Variants in OXSR1 observed in about 807,000 individuals in gnomAD.
The protein encoded by OXSR1 is oxidative stress responsive kinase 1.
Under a neutral mutation model 79.8 loss-of-function variants are expected in OXSR1, and 24 were observed. The ratio of observed to expected loss-of-function variants is 0.30; its 90% confidence interval spans 0.22 to 0.42. OXSR1 has a LOEUF of 0.42. OXSR1 is among the 10% of genes least tolerant of loss of function. The pLI is 1.00. For missense variants in OXSR1, 430 were observed against 618.4 expected, an observed-to-expected ratio of 0.70 and a Z score of 3.23; for synonymous variants, 226 against 209.2, an observed-to-expected ratio of 1.08 and a Z score of -0.69.
At chr3:38,177,554 T>C (rs1701696985) in intron 1 of OXSR1, among the ~76,000 whole-genome samples, 1 of 152,174 alleles carries the variant, frequency 6.6e-6, no homozygotes, top group South Asian at 2.1e-4. Flanking sequence ...TCTTTTCTTT[T>C]CTTTTTGATT....
chr3:38,197,494 A>C (rs1702090724), intron 3 of OXSR1, among the ~76,000 whole-genome samples: 1 of 152,132 alleles, frequency 6.6e-6, no homozygotes, highest in South Asian at 2.1e-4. Context: ...CGTTGTCCTA[A>C]ATGGCATAGC....
Position 38,223,891 on chromosome 3 carries a change from A to G in OXSR1, c.680A>G (p.Tyr227Cys), listed in dbSNP as rs1180184058. The G allele has an allele frequency of 6.2e-7, 1 of 1,600,532 alleles. No homozygotes were observed. The highest frequency in any genetic ancestry group is 8.5e-7 in the Non-Finnish European group (1 of 1,170,838). Residue 227 changes from tyrosine (Y) to cysteine (C), a missense_variant, in exon 7 of 18, where the codon TAT becomes TGT. By Grantham distance (194) the Tyr-to-Cys change is radical. Around this residue, in one of 3 missense-constraint regions of OXSR1, gnomAD observed 276 missense variants for 354.2 expected, o/e 0.78. Transcript: ENST00000311806. ...GAATTGGCTACAGGGGCGGCTCCTT[A>G]TCATAAATATCCACCAATGAAGGTG... Reference protein sequence around the residue: ...AIELATGAAPYHKYPPMKVLM... With the variant: ...AIELATGAAPCHKYPPMKVLM...
chr3:38,221,417 G>T (rs1289818977), intron 5 of OXSR1, among the ~76,000 whole-genome samples, 161 bp from the exon 6 acceptor site: 1 of 152,154 alleles, frequency 6.6e-6, no homozygotes, highest in Non-Finnish European at 1.5e-5. Context: ...ACTGTTCCTA[G>T]TCTAAGCTAT....
chr3:38,217,615 C>T (rs1702508712), intron 5 of OXSR1, among the ~76,000 whole-genome samples: 1 of 152,080 alleles, frequency 6.6e-6, no homozygotes, highest in Non-Finnish European at 1.5e-5. Flanking sequence ...GCAACCTGTG[C>T]CTTCCAGGTT....
intron 2 of OXSR1, among the ~76,000 whole-genome samples, chr3:38,187,473 A>G (rs1441698205): frequency 2.0e-5 from 3 of 152,214 alleles, no homozygotes; most frequent in African/African-American, 4.8e-5. Flanking sequence ...TTTATCCTAT[A>G]TGAATGAATG....
At chr3:38,223,681 C>T in intron 6 of OXSR1, 131 bp from the exon 7 acceptor site, 1 of 526,002 alleles carries the variant, frequency 1.9e-6, no homozygotes. Flanking sequence ...AACTCCCAAC[C>T]TCAGGTGATT....
intron 15 of OXSR1, 27 bp from the exon 16 acceptor site, chr3:38,251,376 A>G: frequency 6.2e-7 from 1 of 1,601,356 alleles, no homozygotes; most frequent in South Asian, 1.1e-5. Flanking sequence ...CACAAAAAAC[A>G]GAGCACTGTC....
At position 38,236,834 on chromosome 3, in the gene OXSR1, A is replaced by G. The variant is rs201161275; in HGVS notation, c.952-5A>G. 74 of 1,596,464 alleles carry G rather than the reference A, an allele frequency of 4.6e-5. No homozygotes were observed. The highest frequency in any genetic ancestry group is 5.6e-5 in the Non-Finnish European group (66 of 1,170,856). On this transcript the variant is annotated splice_polypyrimidine_tract_variant and splice_region_variant and intron_variant, in intron 10 of 17. Transcript: ENST00000311806. Reference sequence around the variant, plus strand: ...CCATAACCCACTTCTCTTTCTAATGAGCAGGTTCGGAGAGTACCAGGTTCC... The same window carrying G: ...CCATAACCCACTTCTCTTTCTAATGGGCAGGTTCGGAGAGTACCAGGTTCC...
At chr3:38,174,327 A>C (rs1701639033) in intron 1 of OXSR1, among the ~76,000 whole-genome samples, 1 of 152,126 alleles carries the variant, frequency 6.6e-6, no homozygotes, top group African/African-American at 2.4e-5. Flanking sequence ...CTCACCTGTA[A>C]TCCCAGCACT....
chr3:38,211,084 A>T (rs1702376943), intron 4 of OXSR1, among the ~76,000 whole-genome samples: 1 of 152,144 alleles, frequency 6.6e-6, no homozygotes, highest in Admixed American at 6.5e-5. Context: ...AGTCCCTTTG[A>T]CAGTTGAGGA....
At chr3:38,179,286 T>C (rs1156586683) in intron 1 of OXSR1, among the ~76,000 whole-genome samples, 2 of 152,120 alleles carry the variant, frequency 1.3e-5, no homozygotes, top group East Asian at 1.9e-4. Flanking sequence ...CACCTTGGCC[T>C]CCCGAAGTGC....
chr3:38,195,596 G>A (rs964676445), intron 3 of OXSR1, among the ~76,000 whole-genome samples: 1 of 152,152 alleles, frequency 6.6e-6, no homozygotes, highest in African/African-American at 2.4e-5. Flanking sequence ...TAACTAAGTT[G>A]AATGAATTGA....
intron 10 of OXSR1, among the ~76,000 whole-genome samples, chr3:38,235,200 C>A (rs1702895022): frequency 6.6e-6 from 1 of 152,120 alleles, no homozygotes; most frequent in Non-Finnish European, 1.5e-5. Flanking sequence ...TACTAAAAAT[C>A]ATTGAACTGT....
intron 13 of OXSR1, 88 bp downstream of exon 13, chr3:38,246,309 G>C: frequency 8.0e-7 from 1 of 1,248,500 alleles, no homozygotes; most frequent in Non-Finnish European, 1.1e-6. Context: ...AATGTAATCA[G>C]GTTAATGTCT....
intron 4 of OXSR1, among the ~76,000 whole-genome samples, chr3:38,214,145 T>C (rs575585202): frequency 6.6e-6 from 1 of 151,738 alleles, no homozygotes; most frequent in African/African-American, 2.4e-5. Flanking sequence ...GTGGTTGGCA[T>C]TTTTTCTTTT....
At chr3:38,208,064 T>C (rs1372909785) in intron 4 of OXSR1, among the ~76,000 whole-genome samples, 1 of 151,750 alleles carries the variant, frequency 6.6e-6, no homozygotes, top group Non-Finnish European at 1.5e-5. Flanking sequence ...GGTAATTAAT[T>C]GAATTATGTT....
chr3:38,224,510 C>G, intron 7 of OXSR1, 61 bp from the exon 8 acceptor site: 1 of 1,374,398 alleles, frequency 7.3e-7, no homozygotes, highest in Non-Finnish European at 1.0e-6. Flanking sequence ...AAAATCTTGA[C>G]CACAATAGTT....
chr3:38,207,353 C>T (rs573076309), intron 4 of OXSR1, among the ~76,000 whole-genome samples: 38 of 152,322 alleles, frequency 2.5e-4, no homozygotes, highest in Non-Finnish European at 3.1e-4. Flanking sequence ...TCCATGGAGT[C>T]AGGGACTCAG....
At chr3:38,209,912 G>A (rs975219289) in intron 4 of OXSR1, among the ~76,000 whole-genome samples, 2 of 152,156 alleles carry the variant, frequency 1.3e-5, no homozygotes, top group Non-Finnish European at 1.5e-5. Flanking sequence ...GTGAGCCACC[G>A]TGCCCCGGCC....
Sources: allele counts gnomAD v4.1 joint callset (sites outside exome capture counted in the v4.1 genomes callset), GRCh38; gene constraint gnomAD v4.1.1; regional missense constraint gnomAD v4.1.1; transcripts MANE v1.5; gene names NCBI Gene and HGNC (gene_info 2026-07-23, HGNC 2026-07-21).